CDH12: variants seen among roughly 807,000 people sequenced by gnomAD.
CDH12 encodes cadherin-12.
Under a neutral mutation model 74.1 loss-of-function variants are expected in CDH12, and 41 were observed. That is an observed-to-expected ratio of 0.55 (90% CI 0.43 to 0.72). The LOEUF (loss-of-function observed/expected upper bound fraction) is 0.72. CDH12 is among the 30% of genes least tolerant of loss of function. CDH12 has a pLI of 0.00. For missense variants in CDH12, 945 were observed against 977.2 expected (o/e 0.97, Z 0.44); for synonymous variants, 399 against 355.0 (o/e 1.12, Z -1.39).
chr5:22,284,017 A>T (rs1737029742), intron 3 of CDH12, among the ~76,000 whole-genome samples: 1 of 152,086 alleles, frequency 6.6e-6, no homozygotes, highest in African/African-American at 2.4e-5. Flanking sequence ...TTTTAAAATA[A>T]ACTTAGTTAC....
intron 5 of CDH12, among the ~76,000 whole-genome samples, chr5:21,992,275 A>G (rs2150136417): frequency 6.6e-6 from 1 of 152,314 alleles, no homozygotes; most frequent in Middle Eastern, 3.4e-3. Context: ...CACAGATGCT[A>G]TAACTTGAAC....
intron 2 of CDH12, among the ~76,000 whole-genome samples, chr5:22,457,209 G>A (rs1308660629): frequency 2.0e-5 from 3 of 151,994 alleles, no homozygotes; most frequent in Non-Finnish European, 4.4e-5. Flanking sequence ...AGATTCTTAG[G>A]GCTGCTGTGA....
chr5:22,144,293 C>G (rs1209098809), intron 4 of CDH12: 1 of 152,128 alleles, frequency 6.6e-6, no homozygotes, highest in East Asian at 1.9e-4. Context: ...CTATTGGTTA[C>G]AGTTTAAAAT....
intron 3 of CDH12, among the ~76,000 whole-genome samples, chr5:22,274,113 T>C (rs1342867294): frequency 1.3e-5 from 2 of 152,170 alleles, no homozygotes; most frequent in African/African-American, 2.4e-5. Flanking sequence ...ATTGTGATTG[T>C]TCCTTGCATA....
chr5:22,832,020 C>T (rs1018988908), intron 1 of CDH12, among the ~76,000 whole-genome samples: 18 of 152,096 alleles, frequency 1.2e-4, no homozygotes, highest in Non-Finnish European at 2.6e-4. Flanking sequence ...AAGGTCAAAG[C>T]CACTTCCAAG....
intron 6 of CDH12, among the ~76,000 whole-genome samples, chr5:21,929,417 A>G (rs574990743): frequency 6.6e-6 from 1 of 151,690 alleles, no homozygotes; most frequent in Non-Finnish European, 1.5e-5. Flanking sequence ...TTAGATTTTC[A>G]TAAGGAGTGT....
intron 2 of CDH12, among the ~76,000 whole-genome samples, chr5:22,468,068 G>A (rs1204461331): frequency 1.3e-5 from 2 of 152,134 alleles, no homozygotes; most frequent in Admixed American, 1.3e-4. Context: ...ATCTGTGAAT[G>A]AGGACCCAAT....
intron 1 of CDH12, among the ~76,000 whole-genome samples, chr5:22,669,862 C>G (rs1452044800): frequency 6.6e-6 from 1 of 151,966 alleles, no homozygotes; most frequent in African/African-American, 2.4e-5. Context: ...TTCTAACTTT[C>G]AGTAATTATG....
At chr5:22,696,864 A>G (rs1427560778) in intron 1 of CDH12, among the ~76,000 whole-genome samples, 1 of 152,068 alleles carries the variant, frequency 6.6e-6, no homozygotes, top group East Asian at 1.9e-4. Flanking sequence ...CTGGAATTCC[A>G]TTTCTATTGA....
At chr5:22,565,838 T>G (rs544288820) in intron 1 of CDH12, among the ~76,000 whole-genome samples, 2 of 152,248 alleles carry the variant, frequency 1.3e-5, no homozygotes, top group South Asian at 4.1e-4. Flanking sequence ...ATTTTATATG[T>G]ATTTTAAATT....
intron 4 of CDH12, among the ~76,000 whole-genome samples, chr5:22,129,473 C>A (rs1746061448): frequency 2.0e-5 from 3 of 152,196 alleles, no homozygotes; most frequent in Middle Eastern, 3.4e-3. Flanking sequence ...ACAAAACGGG[C>A]AAGCTCTGGG....
At chr5:22,491,479 G>T (rs1237739333) in intron 2 of CDH12, among the ~76,000 whole-genome samples, 2 of 151,788 alleles carry the variant, frequency 1.3e-5, no homozygotes, top group African/African-American at 4.8e-5. Context: ...AACTAGGATT[G>T]CCATAATAAC....
intron 3 of CDH12, among the ~76,000 whole-genome samples, chr5:22,358,148 C>T (rs1740641676): frequency 6.6e-6 from 1 of 152,108 alleles, no homozygotes; most frequent in Admixed American, 6.6e-5. Context: ...GTGGCTCAGG[C>T]CTGTAATCCT....
intron 5 of CDH12, among the ~76,000 whole-genome samples, chr5:22,023,590 T>G (rs972965240): frequency 2.6e-5 from 4 of 151,862 alleles, no homozygotes; most frequent in Non-Finnish European, 5.9e-5. Flanking sequence ...TATATATATA[T>G]ATACACACAC....
At chr5:22,458,500 A>G (rs542290149) in intron 2 of CDH12, among the ~76,000 whole-genome samples, 1 of 152,288 alleles carries the variant, frequency 6.6e-6, no homozygotes, top group East Asian at 1.9e-4. Flanking sequence ...CAAGTACAAC[A>G]CATTCTGGCT....
intron 10 of CDH12, among the ~76,000 whole-genome samples, chr5:21,788,614 T>C (rs1338827969): frequency 6.6e-6 from 1 of 152,116 alleles, no homozygotes; most frequent in African/African-American, 2.4e-5. Context: ...TTTTAAAATA[T>C]TTCAGATGTA....
At chr5:22,658,718 T>A (rs1740194975) in intron 1 of CDH12, among the ~76,000 whole-genome samples, 1 of 152,108 alleles carries the variant, frequency 6.6e-6, no homozygotes, top group South Asian at 2.1e-4. Flanking sequence ...TGACTCTTTA[T>A]CGCCCAACCT....
chr5:22,651,950 G>T (rs1739768334), intron 1 of CDH12, among the ~76,000 whole-genome samples: 1 of 152,044 alleles, frequency 6.6e-6, no homozygotes, highest in African/African-American at 2.4e-5. Flanking sequence ...TGAAGCATTA[G>T]AATTGTAAAA....
At chr5:22,156,964 C>G (rs1163195657) in intron 4 of CDH12, among the ~76,000 whole-genome samples, 1 of 152,056 alleles carries the variant, frequency 6.6e-6, no homozygotes, top group Non-Finnish European at 1.5e-5. Context: ...GGAAGAAAAG[C>G]ATGTATTTTC....
Sources: gnomAD v4.1 joint callset for allele counts (sites outside exome capture counted in the v4.1 genomes callset) on GRCh38, gnomAD v4.1.1 for gene constraint, MANE v1.5 for transcripts, NCBI Gene and HGNC (gene_info 2026-07-23, HGNC 2026-07-21) for gene names.